The following AP1S3 variants were observed in gnomAD, a reference collection of about 807,000 sequenced individuals.
The protein encoded by AP1S3 is adaptor related protein complex 1 subunit sigma 3.
AP1S3 carries 10 observed loss-of-function variants against 20.9 expected under a neutral mutation model. That is an observed-to-expected ratio of 0.48 (90% CI 0.29 to 0.81). AP1S3 has a LOEUF of 0.81. Among genes scored for constraint, AP1S3 ranks in the 30% least tolerant of loss-of-function variants. The pLI is 0.08. For missense variants in AP1S3, 154 were observed against 183.8 expected, an observed-to-expected ratio of 0.84 and a Z score of 0.94; for synonymous variants, 41 against 61.5, an observed-to-expected ratio of 0.67 and a Z score of 1.56.
At chr2:223,822,223 C>G (rs980111155) in intron 1 of AP1S3, among the ~76,000 whole-genome samples, 1 of 151,270 alleles carries the variant, frequency 6.6e-6, no homozygotes, top group Non-Finnish European at 1.5e-5. Flanking sequence ...GACCTTGTCT[C>G]TACAAAAAAA....
chr2:223,757,372 T>G lies in AP1S3; in HGVS notation c.*1343A>C, dbSNP rs1400149705. ...TTTCACCTTGTTGGCGAGGATGGTC[T>G]TGATCTCTTGACCTTGTGATCCGCC... On this transcript the variant is annotated 3_prime_UTR_variant, in exon 5 of 5. Coordinates refer to ENST00000396654, the MANE Select transcript of AP1S3 (RefSeq NM_001039569.2). The G allele has an allele frequency of 1.3e-5, 2 of 159,560 alleles. No individual in the cohort carries two copies. The highest frequency in any genetic ancestry group is 2.7e-5 in the Non-Finnish European group (2 of 74,806). 9.9% of individuals were successfully genotyped at this position (159,560 alleles called of 1,614,324 possible).
At chr2:223,777,639 G>C (rs1405389108) in intron 2 of AP1S3, 52 bp downstream of exon 2, 1 of 1,541,514 alleles carries the variant, frequency 6.5e-7, no homozygotes, top group Non-Finnish European at 8.8e-7. Context: ...TTCAGGATTA[G>C]AACAAACCAA....
intron 1 of AP1S3, among the ~76,000 whole-genome samples, chr2:223,806,396 G>A (rs1691583661): frequency 6.8e-6 from 1 of 146,292 alleles, no homozygotes. Context: ...CCATTCTCCT[G>A]CCTCAACCTC....
At chr2:223,778,933 AG>A (rs1177288967) in intron 1 of AP1S3, among the ~76,000 whole-genome samples, 1 of 152,174 alleles carries the variant, frequency 6.6e-6, no homozygotes, top group Non-Finnish European at 1.5e-5. Context: ...TCCTAGTCTC[AG>A]ACGATCCGCC....
chr2:223,800,060 C>T (rs145602578), intron 1 of AP1S3, among the ~76,000 whole-genome samples: 20 of 151,166 alleles, frequency 1.3e-4, no homozygotes, highest in Admixed American at 3.3e-4. Flanking sequence ...ACTATAAATA[C>T]GAAAATTAGC....
At position 223,762,268 on chromosome 2, in the gene AP1S3, A is replaced by ATTTTTTTTTTTTTTTTTTTTTTTT. The variant is rs57119521; in HGVS notation, c.429+2944_429+2945insAAAAAAAAAAAAAAAAAAAAAAAA. Among the ~76,000 whole-genome samples, 2 of 105,198 alleles carry ATTTTTTTTTTTTTTTTTTTTTTTT rather than the reference A, an allele frequency of 1.9e-5. 1 individual carries two copies. Among genetic ancestry groups the ATTTTTTTTTTTTTTTTTTTTTTTT allele is most frequent in the African/African-American group, 7.4e-5 (2 of 27,072 alleles). The allele number at this position is 105,198 out of a possible 152,430, so 69.0% of individuals were successfully genotyped here. On this transcript the variant is annotated intron_variant, in intron 4 of 4. Coordinates refer to ENST00000396654, the MANE Select transcript of AP1S3 (RefSeq NM_001039569.2). ...TAGGCATGAGCCATTGTGCCCAGCA[A>ATTTTTTTTTTTTTTTTTTTTTTTT]TTTTTTTTTTTTTTTTTTTTTTGAG...
intron 3 of AP1S3, among the ~76,000 whole-genome samples, chr2:223,766,850 T>C (rs940315484): frequency 6.6e-6 from 1 of 152,166 alleles, no homozygotes; most frequent in Admixed American, 6.5e-5. Flanking sequence ...GTGGGACATA[T>C]ACACCATGGA....
At chr2:223,827,584 C>T (rs1193247630) in intron 1 of AP1S3, among the ~76,000 whole-genome samples, 2 of 151,846 alleles carry the variant, frequency 1.3e-5, no homozygotes, top group Non-Finnish European at 2.9e-5. Context: ...CGGGGCTTTA[C>T]CATGTTGGCC....
intron 1 of AP1S3, among the ~76,000 whole-genome samples, chr2:223,814,423 G>A (rs192252067): frequency 1.6e-4 from 24 of 152,280 alleles, no homozygotes; most frequent in Admixed American, 7.9e-4. Context: ...GTTAAATAAA[G>A]CGGCAAAAAT....
rs1296185450 is a variant in AP1S3 at position 223,805,912 on chromosome 2, T to A, written c.4-28043A>T. Among the ~76,000 whole-genome samples, 3 of 152,172 alleles carry A rather than the reference T, an allele frequency of 2.0e-5. No individual in the cohort carries two copies. In the East Asian group the frequency reaches 5.8e-4, roughly 29 times the overall value. On this transcript the variant is annotated intron_variant, in intron 1 of 4. Transcript: ENST00000396654. ...AGGCTGAGTATACCAGAAACCTCCA[T>A]TCCTAACACTAATTGGCCAACTGCA...
intron 3 of AP1S3, among the ~76,000 whole-genome samples, chr2:223,769,091 T>C (rs1460812622): frequency 2.6e-5 from 4 of 152,230 alleles, no homozygotes; most frequent in East Asian, 1.9e-4. Flanking sequence ...AGAATTACCA[T>C]GGCATACTGG....
At chr2:223,784,263 G>A (rs975359870) in intron 1 of AP1S3, among the ~76,000 whole-genome samples, 2 of 151,940 alleles carry the variant, frequency 1.3e-5, no homozygotes, top group African/African-American at 4.8e-5. Flanking sequence ...GATCCCCCAC[G>A]TGGGTCATTT....
intron 1 of AP1S3, among the ~76,000 whole-genome samples, chr2:223,833,159 C>T (rs555474850): frequency 1.4e-5 from 2 of 141,374 alleles, no homozygotes; most frequent in African/African-American, 2.6e-5. Context: ...CATCAAAGTC[C>T]ACTTGTGCTT....
intron 1 of AP1S3, among the ~76,000 whole-genome samples, chr2:223,831,441 A>C (rs1254445883): frequency 6.6e-6 from 1 of 152,176 alleles, no homozygotes; most frequent in African/African-American, 2.4e-5. Flanking sequence ...GTCAAGAAAT[A>C]CATTTCCTTA....
intron 1 of AP1S3, among the ~76,000 whole-genome samples, chr2:223,797,325 G>C (rs1326837870): frequency 6.6e-6 from 1 of 152,166 alleles, no homozygotes; most frequent in East Asian, 1.9e-4. Flanking sequence ...GAAAGCCGCA[G>C]CCACAGCTCT....
chr2:223,793,107 C>T (rs1313583108), intron 1 of AP1S3, among the ~76,000 whole-genome samples: 2 of 152,206 alleles, frequency 1.3e-5, no homozygotes, highest in Non-Finnish European at 2.9e-5. Flanking sequence ...AAAAGGAACG[C>T]TTTTACACTG....
intron 1 of AP1S3, among the ~76,000 whole-genome samples, chr2:223,807,610 C>T (rs1691614649): frequency 6.6e-6 from 1 of 152,084 alleles, no homozygotes; most frequent in South Asian, 2.1e-4. Context: ...TAGCATCATC[C>T]TTCTGGTGCT....
chr2:223,836,323 C>G (rs776584944), intron 1 of AP1S3, among the ~76,000 whole-genome samples: 3 of 152,288 alleles, frequency 2.0e-5, no homozygotes, highest in Admixed American at 2.0e-4. Context: ...CCTGAGCTAT[C>G]GCTTCCACCC....
intron 1 of AP1S3, among the ~76,000 whole-genome samples, chr2:223,829,292 A>G (rs1372075592): frequency 6.6e-6 from 1 of 152,210 alleles, no homozygotes; most frequent in African/African-American, 2.4e-5. Context: ...TTACAGGCCA[A>G]ATCTGGCCTT....
Sources: gnomAD v4.1 joint callset for allele counts (sites outside exome capture counted in the v4.1 genomes callset) on GRCh38, gnomAD v4.1.1 for gene constraint, MANE v1.5 for transcripts, NCBI Gene and HGNC (gene_info 2026-07-23, HGNC 2026-07-21) for gene names.